Variants in RAB22A observed in about 807,000 individuals in gnomAD.
RAB22A encodes RAB22A, member RAS oncogene family.
In RAB22A, 13 loss-of-function variants were observed where a neutral mutation model predicts 30.2. The ratio of observed to expected loss-of-function variants is 0.43; its 90% confidence interval spans 0.28 to 0.68. The LOEUF (loss-of-function observed/expected upper bound fraction) is 0.68, where lower values mean the gene tolerates loss of function less well. Among genes scored for constraint, RAB22A ranks in the 30% least tolerant of loss-of-function variants. The probability of loss-of-function intolerance (pLI) is 0.18; values close to 1 mark genes in which losing one functional copy is unlikely to be tolerated. For synonymous variants in RAB22A, 89 were observed against 87.2 expected (o/e 1.02, Z -0.11); for missense variants, 177 against 246.8 (o/e 0.72, Z 1.89).
intron 3 of RAB22A, among the ~76,000 whole-genome samples, chr20:58,352,052 C>G (rs965244111): frequency 3.3e-5 from 5 of 151,996 alleles, no homozygotes; most frequent in African/African-American, 1.2e-4. Flanking sequence ...GACATGAAAA[C>G]AAGGTGGAAG....
intron 2 of RAB22A, among the ~76,000 whole-genome samples, chr20:58,341,614 G>A (rs539740092): frequency 1.3e-5 from 2 of 152,278 alleles, no homozygotes; most frequent in Admixed American, 1.3e-4. Flanking sequence ...GAGAGTAGAA[G>A]GGTGGTCCAG....
chr20:58,358,711 A>G (rs1987174044), intron 6 of RAB22A, among the ~76,000 whole-genome samples: 1 of 152,168 alleles, frequency 6.6e-6, no homozygotes, highest in South Asian at 2.1e-4. Flanking sequence ...CCTGGCCAAC[A>G]TGGCGAAACC....
chr20:58,353,595 G>A (rs771279020), intron 5 of RAB22A, 57 bp downstream of exon 5: 40 of 1,338,234 alleles, frequency 3.0e-5, no homozygotes, highest in Non-Finnish European at 3.7e-5. Flanking sequence ...TTCTTAATAA[G>A]CAATATCCAG....
In RAB22A at chr20:58,362,634, A is replaced by G. The variant is rs1357948065; in HGVS notation, c.*2931A>G. Reference sequence around the variant, plus strand: ...ACAAGTGTTTTTCTGATTCTATGATAACTAATTAACCATCATCTGGTGATT... The same window carrying G: ...ACAAGTGTTTTTCTGATTCTATGATGACTAATTAACCATCATCTGGTGATT... On this transcript the variant is annotated 3_prime_UTR_variant, in exon 7 of 7. Transcript: ENST00000244040. 1 of 152,242 alleles carries G rather than the reference A, an allele frequency of 6.6e-6. No individual in the cohort carries two copies. The highest frequency in any genetic ancestry group is 1.5e-5 in the Non-Finnish European group (1 of 68,042). The allele number at this position is 152,242 out of a possible 1,614,324, so 9.4% of individuals were successfully genotyped here. A position where few individuals can be genotyped will look rare whatever the true frequency, so the allele number is the denominator to read the frequency against.
intron 3 of RAB22A, among the ~76,000 whole-genome samples, chr20:58,344,258 A>G (rs542781124): frequency 1.2e-4 from 18 of 152,360 alleles, no homozygotes; most frequent in South Asian, 2.1e-4. Flanking sequence ...GTGCCTTGCA[A>G]TAGATACTTA....
At chr20:58,340,296 A>G (rs1373383376) in intron 2 of RAB22A, among the ~76,000 whole-genome samples, 1 of 152,066 alleles carries the variant, frequency 6.6e-6, no homozygotes, top group Non-Finnish European at 1.5e-5. Context: ...TGTGGGCTAG[A>G]AGGAGTTGGA....
At chr20:58,329,966 T>C (rs1986635551) in intron 2 of RAB22A, among the ~76,000 whole-genome samples, 2 of 152,236 alleles carry the variant, frequency 1.3e-5, no homozygotes, top group African/African-American at 4.8e-5. Flanking sequence ...AGTCTGTATA[T>C]GTACTAAACA....
At chr20:58,348,521 T>C (rs1986988707) in intron 3 of RAB22A, among the ~76,000 whole-genome samples, 1 of 152,112 alleles carries the variant, frequency 6.6e-6, no homozygotes. Context: ...ACCATCCACA[T>C]GAAGAGACAA....
chr20:58,335,672 G>C (rs1986737783), intron 2 of RAB22A, among the ~76,000 whole-genome samples: 1 of 152,220 alleles, frequency 6.6e-6, no homozygotes, highest in Non-Finnish European at 1.5e-5. Flanking sequence ...GCTGGAAAAG[G>C]AAGGTGGGAG....
At position 58,310,821 on chromosome 20, in the gene RAB22A, C is replaced by T. The variant is rs529084127; in HGVS notation, c.37-222C>T. On this transcript the variant is annotated intron_variant, in intron 1 of 6. Transcript: ENST00000244040. ...AGAAACTTTGGGTCTCTCAAAAGGT[C>T]CTAATCTGTCTTAACGGCAAAAACC... 2.6e-5 allele frequency among the ~76,000 whole-genome samples: 4 copies of T among 152,296 alleles called. No homozygotes were observed. In the East Asian group the frequency reaches 7.7e-4, roughly 29 times the overall value.
In RAB22A at chr20:58,365,158, ATTGT is replaced by A. The variant is rs1987294240; in HGVS notation, c.*5459_*5462del. On this transcript the variant is annotated 3_prime_UTR_variant, in exon 7 of 7. Coordinates refer to ENST00000244040, the MANE Select transcript of RAB22A (RefSeq NM_020673.3). ...TTTTTGCTTGATTCAGGAACTTTTC[ATTGT>A]TTGGGGAAGCTTTTGAATGCAGTAC... is the stretch of plus-strand genomic sequence containing the variant. 1.3e-5 allele frequency: 2 copies of A among 152,248 alleles called. No homozygotes were observed. The highest frequency in any genetic ancestry group is 6.5e-5 in the Admixed American group (1 of 15,294). The allele number at this position is 152,248 out of a possible 1,614,324, so 9.4% of individuals were successfully genotyped here.
At chr20:58,343,600 AGGATAC>A in intron 2 of RAB22A, 112 bp from the exon 3 acceptor site, 1 of 697,470 alleles carries the variant, frequency 1.4e-6, no homozygotes, top group Non-Finnish European at 2.5e-6. Context: ...GAACACAATT[AGGATAC>A]AGCGTGGTGC....
chr20:58,316,969 C>T (rs988626921), intron 2 of RAB22A, among the ~76,000 whole-genome samples: 1 of 152,230 alleles, frequency 6.6e-6, no homozygotes, highest in African/African-American at 2.4e-5. Context: ...AAATATCCCT[C>T]CTTCTCTATT....
At chr20:58,322,166 G>A (rs1986473797) in intron 2 of RAB22A, among the ~76,000 whole-genome samples, 1 of 152,204 alleles carries the variant, frequency 6.6e-6, no homozygotes. Context: ...TCCCTGGTAA[G>A]AGTGCCGTTC....
At chr20:58,353,633 C>G in intron 5 of RAB22A, 95 bp downstream of exon 5, 4 of 1,087,362 alleles carry the variant, frequency 3.7e-6, no homozygotes, top group Non-Finnish European at 4.0e-6. Flanking sequence ...TATTTTATCT[C>G]TGACATTGAA....
chr20:58,347,865 C>T (rs1484371553), intron 3 of RAB22A, among the ~76,000 whole-genome samples: 2 of 152,158 alleles, frequency 1.3e-5, no homozygotes, highest in Non-Finnish European at 2.9e-5. Context: ...ATTAAAAAAC[C>T]TCATAAATAC....
chr20:58,350,269 G>A (rs967508171), intron 3 of RAB22A, among the ~76,000 whole-genome samples: 1 of 152,192 alleles, frequency 6.6e-6, no homozygotes, highest in Non-Finnish European at 1.5e-5. Flanking sequence ...TAGAAAAACA[G>A]TAGAAAAATA....
At chr20:58,339,964 C>T (rs1234003560) in intron 2 of RAB22A, among the ~76,000 whole-genome samples, 1 of 152,172 alleles carries the variant, frequency 6.6e-6, no homozygotes, top group Non-Finnish European at 1.5e-5. Context: ...TCCCATGTCT[C>T]ACCCTGAATC....
At chr20:58,310,113 A>G (rs1374545199) in intron 1 of RAB22A, 101 bp downstream of exon 1, 9 of 975,226 alleles carry the variant, frequency 9.2e-6, no homozygotes, top group East Asian at 4.9e-5. Context: ...TCCCACGTCC[A>G]AGACGCTGTC....
Sources: gnomAD v4.1 joint callset for allele counts (sites outside exome capture counted in the v4.1 genomes callset) on GRCh38, gnomAD v4.1.1 for gene constraint, MANE v1.5 for transcripts, NCBI Gene and HGNC (gene_info 2026-07-23, HGNC 2026-07-21) for gene names.